The following UBR1 variants were observed in gnomAD, a reference collection of about 807,000 sequenced individuals.
UBR1 encodes E3 ubiquitin-protein ligase UBR1.
In UBR1, 102 loss-of-function variants were observed where a neutral mutation model predicts 242.1. That is an observed-to-expected ratio of 0.42 (90% CI 0.36 to 0.50). The LOEUF (loss-of-function observed/expected upper bound fraction) is 0.50. UBR1 is among the 20% of genes least tolerant of loss of function. UBR1 has a pLI of 0.01. For synonymous variants in UBR1, 675 were observed against 684.8 expected, an observed-to-expected ratio of 0.99 and a Z score of 0.22; for missense variants, 1,772 against 2,101.8, an observed-to-expected ratio of 0.84 and a Z score of 3.07.
At chr15:43,003,535 T>C in intron 31 of UBR1, 1 of 380,158 alleles carries the variant, frequency 2.6e-6, no homozygotes, top group Non-Finnish European at 5.0e-6. Flanking sequence ...AGATTACAGG[T>C]GTGAGCCACC....
At chr15:43,086,391 A>G in intron 1 of UBR1, 151 bp from the exon 2 acceptor site, 1 of 924,528 alleles carries the variant, frequency 1.1e-6, no homozygotes, top group East Asian at 2.7e-5. Context: ...GTGATTAAAA[A>G]AATTAAGCTT....
intron 10 of UBR1, 94 bp from the exon 11 acceptor site, chr15:43,056,536 T>C: frequency 1.2e-6 from 1 of 804,528 alleles, no homozygotes. Flanking sequence ...TGTTTCTATC[T>C]ATAAAATGTC....
intron 39 of UBR1, among the ~76,000 whole-genome samples, chr15:42,973,778 G>T (rs935309810): frequency 1.3e-5 from 2 of 151,550 alleles, no homozygotes; most frequent in African/African-American, 4.9e-5. Context: ...TTATAATGAA[G>T]TCCAGCCTAT....
intron 42 of UBR1, among the ~76,000 whole-genome samples, chr15:42,962,709 C>T (rs530921021): frequency 2.6e-5 from 4 of 152,204 alleles, no homozygotes; most frequent in Non-Finnish European, 4.4e-5. Flanking sequence ...AGGCTGGTCT[C>T]GAACTCCTGA....
chr15:43,005,977 G>A (rs1207102938), intron 30 of UBR1, among the ~76,000 whole-genome samples: 2 of 148,690 alleles, frequency 1.3e-5, no homozygotes, highest in Non-Finnish European at 1.5e-5. Context: ...CTCTGCCTAG[G>A]AAAACCAGAG....
At chr15:43,011,651 G>A (rs1425974156) in intron 29 of UBR1, among the ~76,000 whole-genome samples, 1 of 152,128 alleles carries the variant, frequency 6.6e-6, no homozygotes, top group African/African-American at 2.4e-5. Context: ...TGAGAACAAA[G>A]TAAATTAGGC....
chr15:42,950,398 T>C (rs777832066), intron 45 of UBR1, 35 bp from the exon 46 acceptor site: 3 of 1,586,140 alleles, frequency 1.9e-6, no homozygotes, highest in Admixed American at 3.3e-5. Flanking sequence ...TATGGTTAAG[T>C]GTATGTGTGC....
chr15:43,030,209 C>A, intron 20 of UBR1, 141 bp from the exon 21 acceptor site: 1 of 946,348 alleles, frequency 1.1e-6, no homozygotes, highest in Non-Finnish European at 1.6e-6. Flanking sequence ...TGAATGTGTT[C>A]CCAAATCTGA....
intron 17 of UBR1, among the ~76,000 whole-genome samples, chr15:43,036,872 T>C (rs1230661681): frequency 6.6e-6 from 1 of 152,040 alleles, no homozygotes; most frequent in Non-Finnish European, 1.5e-5. Context: ...AAATACCTAC[T>C]TCAATAAAAG....
intron 31 of UBR1, 81 bp from the exon 32 acceptor site, chr15:43,002,785 G>A (rs1479629680): frequency 1.7e-5 from 27 of 1,587,976 alleles, no homozygotes; most frequent in Non-Finnish European, 2.3e-5. Context: ...TCTAATCCAA[G>A]TTTTAAAAAT....
chr15:42,982,821 G>A (rs1196948750), intron 37 of UBR1, among the ~76,000 whole-genome samples: 1 of 152,176 alleles, frequency 6.6e-6, no homozygotes, highest in African/African-American at 2.4e-5. Context: ...TTATTTGGTA[G>A]AAATATATCT....
intron 33 of UBR1, among the ~76,000 whole-genome samples, chr15:42,993,330 G>A (rs1390219273): frequency 6.6e-6 from 1 of 151,240 alleles, no homozygotes; most frequent in Non-Finnish European, 1.5e-5. Flanking sequence ...TCCTGTGAAA[G>A]TATGAGGAAT....
intron 33 of UBR1, among the ~76,000 whole-genome samples, chr15:42,993,814 G>A (rs973446625): frequency 6.6e-6 from 1 of 151,870 alleles, no homozygotes; most frequent in African/African-American, 2.4e-5. Flanking sequence ...CTCCAGCCTG[G>A]GGGGCAGAGC....
At chr15:43,020,984 A>T (rs1328692604) in intron 27 of UBR1, 1 of 325,142 alleles carries the variant, frequency 3.1e-6, no homozygotes, top group Non-Finnish European at 5.8e-6. Flanking sequence ...ATGTTCCATG[A>T]TAGTAAGCAC....
intron 37 of UBR1, among the ~76,000 whole-genome samples, chr15:42,982,809 T>C (rs2032397324): frequency 6.6e-6 from 1 of 152,160 alleles, no homozygotes; most frequent in Non-Finnish European, 1.5e-5. Context: ...TCTGAATAAC[T>C]CTTATTTGGT....
At chr15:43,048,062 C>A (rs540793936) in intron 13 of UBR1, among the ~76,000 whole-genome samples, 18 of 152,120 alleles carry the variant, frequency 1.2e-4, no homozygotes, top group Non-Finnish European at 2.4e-4. Context: ...TGGTGCATGC[C>A]TGTAATCCCA....
intron 3 of UBR1, among the ~76,000 whole-genome samples, chr15:43,078,083 A>C (rs867166606): frequency 6.6e-6 from 1 of 152,204 alleles, no homozygotes; most frequent in African/African-American, 2.4e-5. Flanking sequence ...CTCCATGAAA[A>C]AGTACAGAGG....
chr15:43,020,451 A>C (rs1193194314), intron 27 of UBR1, among the ~76,000 whole-genome samples: 1 of 152,310 alleles, frequency 6.6e-6, no homozygotes, highest in East Asian at 1.9e-4. Context: ...GATTCTTACT[A>C]TCTGCATCTT....
intron 42 of UBR1, among the ~76,000 whole-genome samples, chr15:42,962,923 G>A (rs1476054760): frequency 6.6e-6 from 1 of 152,194 alleles, no homozygotes; most frequent in East Asian, 1.9e-4. Context: ...GCAACATAGG[G>A]CAGAGGATGA....
Sources: allele counts gnomAD v4.1 joint callset (sites outside exome capture counted in the v4.1 genomes callset), GRCh38; gene constraint gnomAD v4.1.1; transcripts MANE v1.5; gene names NCBI Gene and HGNC (gene_info 2026-07-23, HGNC 2026-07-21).